The following DTX3L variants were observed in gnomAD, a reference collection of about 807,000 sequenced individuals.
The protein encoded by DTX3L is deltex E3 ubiquitin ligase 3L.
Under a neutral mutation model 60.9 loss-of-function variants are expected in DTX3L, and 34 were observed. The ratio of observed to expected loss-of-function variants is 0.56; its 90% CI spans 0.42 to 0.74. DTX3L has a LOEUF of 0.74. Among genes scored for constraint, DTX3L ranks in the 30% least tolerant of loss-of-function variants. The pLI is 0.00. For synonymous variants in DTX3L, 290 were observed against 316.6 expected (o/e 0.92, Z 0.89); for missense variants, 810 against 874.0 (o/e 0.93, Z 0.92).
rs1205865148 is a variant in DTX3L at position 122,570,511 on chromosome 3, G to T, written c.1992G>T (p.Leu664Phe). 2 of 1,613,996 alleles carry T rather than the reference G, an allele frequency of 1.2e-6. No homozygotes were observed. The highest frequency in any genetic ancestry group is 2.7e-5 in the African/African-American group (2 of 74,892). The change falls in exon 4 of 5, where the codon TTG (leucine) becomes TTT (phenylalanine). Residue 664 changes from leucine to phenylalanine, a missense_variant. Coordinates refer to ENST00000296161, the MANE Select transcript of DTX3L (RefSeq NM_138287.3). ...CTGGAATACAGCGAACTGCATACTT[G>T]CCTGATAATAAGGAAGGAAGGAAGG... ...RYPGIQRTAY[L>F]PDNKEGRKVL...
chr3:122,569,362 A>G lies in DTX3L; in HGVS notation c.1273A>G (p.Arg425Gly), dbSNP rs752928307. 6.2e-7 allele frequency: 1 copy of G among 1,614,158 alleles called. No individual in the cohort carries two copies. The highest frequency in any genetic ancestry group is 1.1e-5 in the South Asian group (1 of 91,088). The change falls in exon 3 of 5, where the codon AGG (arginine) becomes GGG (glycine). Residue 425 changes from arginine (R) to glycine (G), a missense_variant. Arg to Gly is a moderately radical substitution (Grantham distance 125, BLOSUM62 -2). Transcript: ENST00000296161. ...CTGCATTCTGTTTGAATCCAAGGAC[A>G]GGCAGGTAGATCTATCTGTGCATGC... ...KTCILFESKD[R>G]QVDLSVHAYA...
intron 3 of DTX3L, 80 bp downstream of exon 3, chr3:122,570,104 T>C (rs754906010): frequency 7.0e-7 from 1 of 1,419,512 alleles, no homozygotes; most frequent in South Asian, 1.2e-5. Flanking sequence ...TGTTGCCTAT[T>C]AGACAATAGA....
rs1259797313 is a variant in DTX3L, at chr3:122,569,762, A to G, written c.1673A>G (p.Lys558Arg). 2 of 1,614,132 alleles carry G rather than the reference A, an allele frequency of 1.2e-6. No homozygotes were observed. Among genetic ancestry groups the G allele is most frequent in the Non-Finnish European group, 1.7e-6 (2 of 1,180,006 alleles). Reference sequence around the variant, plus strand: ...GCCTCAGAACTGGACAAGAAGGAAAAGGGCATCTGTGTCATCTGTATGGAC... The same window carrying G: ...GCCTCAGAACTGGACAAGAAGGAAAGGGGCATCTGTGTCATCTGTATGGAC... ...SEASELDKKE[K>R]GICVICMDTI... is the part of the protein sequence containing the mutation. The change falls in exon 3 of 5, where the codon AAG becomes AGG. Residue 558 changes from lysine (K) to arginine (R), a missense_variant. Lys to Arg is a conservative substitution (Grantham distance 26). Transcript: ENST00000296161.
intron 2 of DTX3L, 83 bp from the exon 3 acceptor site, chr3:122,568,406 T>C: frequency 9.4e-7 from 1 of 1,064,874 alleles, no homozygotes; most frequent in Non-Finnish European, 1.3e-6. Flanking sequence ...GTTTCTCTAG[T>C]CTCTATGCAT....
chr3:122,565,204 T>C (rs1382999256), intron 1 of DTX3L, among the ~76,000 whole-genome samples: 2 of 152,068 alleles, frequency 1.3e-5, no homozygotes, highest in African/African-American at 2.4e-5. Flanking sequence ...CACTTACCTG[T>C]ATAATGAGTA....
At position 122,569,366 on chromosome 3, in the gene DTX3L, A is replaced by G; in HGVS notation, c.1277A>G (p.Gln426Arg). ...ATTCTGTTTGAATCCAAGGACAGGC[A>G]GGTAGATCTATCTGTGCATGCTTAT... ...TCILFESKDR[Q>R]VDLSVHAYAS... The change falls in exon 3 of 5, where the codon CAG becomes CGG. Residue 426 changes from glutamine (Q) to arginine (R), a missense_variant. By Grantham distance (43) the Gln-to-Arg change is conservative (BLOSUM62 1). Coordinates refer to ENST00000296161, the MANE Select transcript of DTX3L (RefSeq NM_138287.3). 6.2e-7 allele frequency: 1 copy of G among 1,614,172 alleles called. No individual in the cohort carries two copies. The highest frequency in any genetic ancestry group is 8.5e-7 in the Non-Finnish European group (1 of 1,180,016).
chr3:122,568,521 T>C lies in DTX3L; in HGVS notation c.432T>C (p.Cys144=). The change falls in exon 3 of 5, where the codon TGT becomes TGC. Residue 144 remains cysteine, a synonymous_variant. Coordinates refer to ENST00000296161, the MANE Select transcript of DTX3L (RefSeq NM_138287.3). Reference sequence around the variant, plus strand: ...TTACTGTAACAGCTGACCTGAACTGTAACCTGTTCTCCAAAGAGCAGAGGG... The same window carrying C: ...TTACTGTAACAGCTGACCTGAACTGCAACCTGTTCTCCAAAGAGCAGAGGG... ...IFLTVTADLN[C]NLFSKEQRAY... is the part of the protein sequence containing the mutation. 2 of 1,612,652 alleles carry C rather than the reference T, an allele frequency of 1.2e-6. No homozygotes were observed. Among genetic ancestry groups the C allele is most frequent in the Middle Eastern group, 1.7e-4 (1 of 6,036 alleles).
In DTX3L at chr3:122,566,042, C is replaced by T; in HGVS notation, c.371C>T (p.Pro124Leu). The T allele has an allele frequency of 6.2e-7, 1 of 1,614,188 alleles. No homozygotes were observed. Among genetic ancestry groups the T allele is most frequent in the Non-Finnish European group, 8.5e-7 (1 of 1,180,038 alleles). ...ATGCATCAACATGAAGGACATATTC[C>T]TAATGCTGTGGATTCCTGTCTCCAA... ...GDMHQHEGHIPNAVDSCLQKI... is the reference protein window; with the variant it reads ...GDMHQHEGHILNAVDSCLQKI... Residue 124 changes from proline to leucine, a missense_variant, in exon 2 of 5, where the codon CCT (proline) becomes CTT (leucine). Physicochemically the swap from Pro to Leu is moderately conservative, Grantham distance 98. Transcript: ENST00000296161.
At chr3:122,570,300 G>A (rs2080635802) in intron 3 of DTX3L, 155 bp from the exon 4 acceptor site, 1 of 829,342 alleles carries the variant, frequency 1.2e-6, no homozygotes, top group Non-Finnish European at 1.9e-6. Flanking sequence ...TGAATTCAAG[G>A]AAAGAGGAGA....
Position 122,568,533 on chromosome 3 carries a change from C to T in DTX3L, c.444C>T (p.Ser148=). 6.2e-7 allele frequency: 1 copy of T among 1,613,332 alleles called. No homozygotes were observed. The highest frequency in any genetic ancestry group is 8.5e-7 in the Non-Finnish European group (1 of 1,179,792). The change falls in exon 3 of 5, where the codon TCC becomes TCT. Residue 148 remains serine (S), a synonymous_variant. Transcript: ENST00000296161. ...CTGACCTGAACTGTAACCTGTTCTC[C>T]AAAGAGCAGAGGGCATACATAACCA... ...VTADLNCNLF[S]KEQRAYITTL... is the part of the protein sequence containing the mutation.
At chr3:122,566,678 C>T (rs1247804649) in intron 2 of DTX3L, among the ~76,000 whole-genome samples, 1 of 152,024 alleles carries the variant, frequency 6.6e-6, no homozygotes, top group African/African-American at 2.4e-5. Flanking sequence ...CTACTTCTAA[C>T]CAGAAATCAG....
intron 3 of DTX3L, 121 bp downstream of exon 3, chr3:122,570,145 G>T: frequency 9.3e-7 from 1 of 1,072,936 alleles, no homozygotes; most frequent in Non-Finnish European, 1.4e-6. Context: ...AGGGTCATGT[G>T]CAAGGGACTG....
intron 3 of DTX3L, chr3:122,570,247 T>A: frequency 1.4e-6 from 1 of 727,264 alleles, no homozygotes; most frequent in South Asian, 1.9e-5. Flanking sequence ...GGAGATTATA[T>A]CTTGAGATGG....
rs374856175 is a variant in DTX3L, at chr3:122,569,686, G to C, written c.1597G>C (p.Asp533His). Reference protein sequence around the residue: ...GHETPMDIDSDDSKAASPPLK... With the variant: ...GHETPMDIDSHDSKAASPPLK... ...TGAAACACCGATGGACATTGATAGC[G>C]ATGATTCCAAAGCAGCTTCTCCGCC... The change falls in exon 3 of 5, where the codon GAT (aspartate) becomes CAT (histidine). Residue 533 changes from aspartate (D) to histidine (H), a missense_variant. Asp to His is a moderately conservative substitution (Grantham distance 81). Transcript: ENST00000296161. 2 of 1,614,164 alleles carry C rather than the reference G, an allele frequency of 1.2e-6. No individual in the cohort carries two copies. Among genetic ancestry groups the C allele is most frequent in the Admixed American group, 1.7e-5 (1 of 60,026 alleles).
At chr3:122,568,414 C>A (rs1164133583) in intron 2 of DTX3L, 75 bp from the exon 3 acceptor site, 3 of 1,199,434 alleles carry the variant, frequency 2.5e-6, no homozygotes, top group South Asian at 3.8e-5. Flanking sequence ...AGTCTCTATG[C>A]ATTCTCCTGA....
Position 122,564,471 on chromosome 3 carries a change from G to A in DTX3L, c.45G>A (p.Val15=), listed in dbSNP as rs550255806. Residue 15 remains valine (V), a synonymous_variant, in exon 1 of 5, where the codon GTG becomes GTA. Coordinates refer to ENST00000296161, the MANE Select transcript of DTX3L (RefSeq NM_138287.3). ...LRPPSPLLVR[V]YKSGPRVRRK... ...CGCCGTCCCCGCTCCTCGTGCGGGT[G>A]TACAAGTCCGGCCCCCGAGTACGAA... is the stretch of plus-strand genomic sequence containing the variant. The A allele has an allele frequency of 1.2e-6, 2 of 1,612,744 alleles. No homozygotes were observed. The highest frequency in any genetic ancestry group is 4.5e-5 in the East Asian group (2 of 44,714).
At position 122,564,372 on chromosome 3, in the gene DTX3L, C is replaced by G; in HGVS notation, c.-55C>G. ...CGCCCAGTCCGCAGGGCGGGCCGCG[C>G]CTTTACCGCCCAGCTGCCTCCCGGA... On this transcript the variant is annotated 5_prime_UTR_variant, in exon 1 of 5. Coordinates refer to ENST00000296161, the MANE Select transcript of DTX3L (RefSeq NM_138287.3). The G allele has an allele frequency of 6.5e-7, 1 of 1,547,298 alleles. No homozygotes were observed. Among genetic ancestry groups the G allele is most frequent in the Non-Finnish European group, 8.7e-7 (1 of 1,147,796 alleles).
rs751767497 is a variant in DTX3L, at chr3:122,566,105, G to A, written c.399+35G>A. On this transcript the variant is annotated intron_variant, in intron 2 of 4. Coordinates refer to ENST00000296161, the MANE Select transcript of DTX3L (RefSeq NM_138287.3). ...GAAAGAAGGAGCTGGCTGTGCCTGC[G>A]CCTCCTCTCCAGTCACCAGCCTCAT... 43 of 1,579,382 alleles carry A rather than the reference G, an allele frequency of 2.7e-5. No homozygotes were observed. The South Asian group carries it at 2.9e-4, about 11-fold the overall frequency.
In DTX3L at chr3:122,572,369, C is replaced by G. The variant is rs2080652050; in HGVS notation, c.*622C>G. On this transcript the variant is annotated 3_prime_UTR_variant, in exon 5 of 5. Transcript: ENST00000296161. ...TGGACTCTCGGCTGCCAATTGATCT[C>G]TTTTTCATTGCCATCTCTGGGGTGG... 6.6e-6 allele frequency: 1 copy of G among 152,178 alleles called. No homozygotes were observed. The highest frequency in any genetic ancestry group is 6.5e-5 in the Admixed American group (1 of 15,278). 9.4% of individuals were successfully genotyped at this position (152,178 alleles called of 1,614,324 possible). A position where few individuals can be genotyped will look rare whatever the true frequency, so the allele number is the denominator to read the frequency against.
Sources: gnomAD v4.1 joint callset for allele counts (sites outside exome capture counted in the v4.1 genomes callset) on GRCh38, gnomAD v4.1.1 for gene constraint, MANE v1.5 for transcripts, NCBI Gene and HGNC (gene_info 2026-07-23, HGNC 2026-07-21) for gene names.